Variants in MYLK observed in about 807,000 individuals in gnomAD.
MYLK encodes the protein myosin light chain kinase, smooth muscle.
A neutral mutation model predicts 203.4 loss-of-function variants in MYLK; 106 were observed. That is an observed-to-expected ratio of 0.52 (90% CI 0.45 to 0.61). The LOEUF is 0.61. MYLK is among the 20% of genes least tolerant of loss of function. The pLI is 0.00. For missense variants in MYLK, 2,072 were observed against 2,442.3 expected (o/e 0.85, Z 3.20); for synonymous variants, 867 against 959.5 (o/e 0.90, Z 1.78).
At chr3:123,874,209 A>G (rs1470590296) in intron 2 of MYLK, among the ~76,000 whole-genome samples, 1 of 152,170 alleles carries the variant, frequency 6.6e-6, no homozygotes, top group East Asian at 1.9e-4. Context: ...GAAAAGAAAG[A>G]ACTAAGTTGA....
At chr3:123,810,384 C>T (rs2065515696) in intron 3 of MYLK, among the ~76,000 whole-genome samples, 1 of 152,188 alleles carries the variant, frequency 6.6e-6, no homozygotes, top group Non-Finnish European at 1.5e-5. Flanking sequence ...TCCCTGTGAG[C>T]CATGGGTGAG....
intron 2 of MYLK, among the ~76,000 whole-genome samples, chr3:123,844,091 C>T (rs546004984): frequency 1.1e-4 from 17 of 152,318 alleles, no homozygotes; most frequent in African/African-American, 3.1e-4. Flanking sequence ...TACTCTCACA[C>T]ACCTATCTCG....
chr3:123,670,108 C>T (rs2059868534), intron 20 of MYLK, among the ~76,000 whole-genome samples: 1 of 145,738 alleles, frequency 6.9e-6, no homozygotes, highest in Non-Finnish European at 1.5e-5. Flanking sequence ...AGGGTATATA[C>T]AATAATTTTT....
chr3:123,878,087 A>G (rs564786990), intron 1 of MYLK, among the ~76,000 whole-genome samples: 2 of 152,228 alleles, frequency 1.3e-5, no homozygotes, highest in Non-Finnish European at 2.9e-5. Context: ...AGATGTACTG[A>G]GCACCTGTGG....
intron 3 of MYLK, among the ~76,000 whole-genome samples, chr3:123,824,610 C>T (rs534482994): frequency 1.3e-5 from 2 of 152,078 alleles, no homozygotes; most frequent in East Asian, 3.9e-4. Context: ...GAAACAATAA[C>T]GTAAGAGATG....
intron 4 of MYLK, among the ~76,000 whole-genome samples, chr3:123,773,005 C>A (rs992525703): frequency 1.3e-5 from 2 of 151,944 alleles, no homozygotes; most frequent in Non-Finnish European, 2.9e-5. Flanking sequence ...TAAAAAGATT[C>A]AATAATTCTA....
At chr3:123,777,751 TC>T (rs752342893) in intron 4 of MYLK, among the ~76,000 whole-genome samples, 22 of 152,262 alleles carry the variant, frequency 1.4e-4, no homozygotes, top group Non-Finnish European at 2.8e-4. Context: ...GCCAGGGGTC[TC>T]CAGTCTACTG....
chr3:123,720,688 G>A (rs1427159099), intron 13 of MYLK, among the ~76,000 whole-genome samples: 5 of 152,208 alleles, frequency 3.3e-5, no homozygotes, highest in Non-Finnish European at 7.4e-5. Context: ...GAATCTGGCT[G>A]CAAATTCCCA....
At chr3:123,770,764 G>T (rs1287522315) in intron 4 of MYLK, among the ~76,000 whole-genome samples, 2 of 152,216 alleles carry the variant, frequency 1.3e-5, no homozygotes, top group African/African-American at 4.8e-5. Context: ...AATGTATGAT[G>T]AGCTCTTGTA....
rs1400984437 is a variant in MYLK, at chr3:123,649,044, C to T, written c.4342G>A (p.Asp1448Asn). 6.2e-7 allele frequency: 1 copy of T among 1,614,218 alleles called. No individual in the cohort carries two copies. Among genetic ancestry groups the T allele is most frequent in the African/African-American group, 1.3e-5 (1 of 75,064 alleles). ...GTATTGATTGTCACTGTCCGGTAAT[C>T]AACCTCGGGCTCCTTCTCATCTGTG... ...SDDDEKEPEVDYRTVTINTEQ... is the reference protein window; with the variant it reads ...SDDDEKEPEVNYRTVTINTEQ... Residue 1448 changes from aspartate to asparagine, a missense_variant, in exon 26 of 34, where the codon GAT (aspartate) becomes AAT (asparagine). By Grantham distance (23) the Asp-to-Asn change is conservative. This residue lies in a region of MYLK where 524 missense variants were observed against 782.4 expected (regional missense o/e 0.67). Transcript: ENST00000360304.
Position 123,629,918 on chromosome 3 carries a change from T to C in MYLK, c.4962-292A>G, listed in dbSNP as rs1209883550. 2.4e-6 allele frequency: 1 copy of C among 424,818 alleles called. No homozygotes were observed. Among genetic ancestry groups the C allele is most frequent in the Non-Finnish European group, 4.4e-6 (1 of 227,454 alleles). The allele number at this position is 424,818 out of a possible 1,614,324, so 26.3% of individuals were successfully genotyped here. A position where few individuals can be genotyped will look rare whatever the true frequency, so the allele number is the denominator to read the frequency against. On this transcript the variant is annotated intron_variant, in intron 29 of 33. Transcript: ENST00000360304. This position sits in a 1 kb window ranked among gnomAD's most constrained non-coding sequence, Gnocchi z 4.4. ...CAGGGTACGCGGCAGGGCTGATAAG[T>C]CCCTCTGTCCTGGTTTTCTATTATT...
Position 123,692,721 on chromosome 3 carries a change from TG to T in MYLK, c.3565+13del, listed in dbSNP as rs1246165675. Reference sequence around the variant, plus strand: ...CCTGTGTATGGGTGGCGGCGATGGGTGGGCACGACCTACCATCCACGGTGAC... The same window carrying T: ...CCTGTGTATGGGTGGCGGCGATGGGTGGCACGACCTACCATCCACGGTGAC... On this transcript the variant is annotated intron_variant, in intron 19 of 33. Coordinates refer to ENST00000360304, the MANE Select transcript of MYLK (RefSeq NM_053025.4). 10 of 1,596,864 alleles carry T rather than the reference TG, an allele frequency of 6.3e-6. No individual in the cohort carries two copies. Among genetic ancestry groups the T allele is most frequent in the Admixed American group, 1.7e-5 (1 of 59,968 alleles).
rs892675024 is a variant in MYLK at position 123,793,974 on chromosome 3, T to G, written c.-3-130A>C. 1.4e-5 allele frequency: 13 copies of G among 949,056 alleles called. No individual in the cohort carries two copies. In the Admixed American group the frequency reaches 1.6e-4, roughly 11 times the overall value. The allele number at this position is 949,056 out of a possible 1,614,324, so 58.8% of individuals were successfully genotyped here. On this transcript the variant is annotated intron_variant, in intron 3 of 33. Coordinates refer to ENST00000360304, the MANE Select transcript of MYLK (RefSeq NM_053025.4). The stretch of plus-strand genomic sequence containing the variant: ...GAGCAGATCCCCAGTTAGGTCAGTG[T>G]CCACCCACAGCTCCTCTGTGAAGAT...
chr3:123,659,970 G>A (rs960233989), intron 23 of MYLK, among the ~76,000 whole-genome samples: 1 of 152,174 alleles, frequency 6.6e-6, no homozygotes. Flanking sequence ...CTTCCCACTA[G>A]AGTAACTGCT....
chr3:123,628,944 G>A (rs1303972431), intron 30 of MYLK, among the ~76,000 whole-genome samples: 8 of 152,162 alleles, frequency 5.3e-5, no homozygotes, highest in African/African-American at 1.2e-4. Context: ...ATGTTAGAAC[G>A]TACCTGGCTG....
At chr3:123,645,248 TACTC>T (rs1306801013) in intron 27 of MYLK, among the ~76,000 whole-genome samples, 1 of 152,182 alleles carries the variant, frequency 6.6e-6, no homozygotes, top group Non-Finnish European at 1.5e-5. Flanking sequence ...TAGAATAACT[TACTC>T]AAGGTCAAAT....
chr3:123,806,548 T>A (rs1179613506), intron 3 of MYLK, among the ~76,000 whole-genome samples: 2 of 152,232 alleles, frequency 1.3e-5, no homozygotes, highest in Non-Finnish European at 2.9e-5. Flanking sequence ...TAGCTAATGT[T>A]ACCAAAAGGG....
In MYLK at chr3:123,613,914, C is replaced by T; in HGVS notation, c.*191G>A. On this transcript the variant is annotated 3_prime_UTR_variant, in exon 34 of 34. Transcript: ENST00000360304. ...ACTAGTATCTTAAGGTGCCAACTAA[C>T]ATAGATTAATGCCCATCAATAACGC... 1.5e-6 allele frequency: 1 copy of T among 650,740 alleles called. No homozygotes were observed. Among genetic ancestry groups the T allele is most frequent in the Non-Finnish European group, 2.6e-6 (1 of 377,360 alleles). The allele number at this position is 650,740 out of a possible 1,614,324, so 40.3% of individuals were successfully genotyped here.
chr3:123,757,495 G>A (rs377559347), intron 4 of MYLK, among the ~76,000 whole-genome samples: 1 of 152,192 alleles, frequency 6.6e-6, no homozygotes, highest in African/African-American at 2.4e-5. Flanking sequence ...CAGGAAGAAG[G>A]AACTGAGGCT....
Sources: gnomAD v4.1 joint callset for allele counts (sites outside exome capture counted in the v4.1 genomes callset) on GRCh38, gnomAD v4.1.1 for gene constraint, gnomAD v4.1.1 regional missense constraint, Gnocchi (gnomAD v3.1) non-coding constraint, MANE v1.5 for transcripts, NCBI Gene and HGNC (gene_info 2026-07-23, HGNC 2026-07-21) for gene names.